The following LUZP2 variants were observed in gnomAD, a reference collection of about 807,000 sequenced individuals.
LUZP2 encodes leucine zipper protein 2.
Under a neutral mutation model 51.6 loss-of-function variants are expected in LUZP2, and 52 were observed. The observed-to-expected ratio is 1.01, with a 90% confidence interval of 0.81 to 1.27. LUZP2 has a LOEUF of 1.27. Ranked by LOEUF, LUZP2 falls within the 50% of genes most tolerant of loss-of-function variation. The pLI, the probability that LUZP2 is intolerant of heterozygous loss-of-function variation, is 0.00. For missense variants in LUZP2, 436 were observed against 395.4 expected, an observed-to-expected ratio of 1.10 and a Z score of -0.87; for synonymous variants, 154 against 137.3, an observed-to-expected ratio of 1.12 and a Z score of -0.85.
chr11:24,840,838 TTCTA>T (rs1298622088), intron 5 of LUZP2, among the ~76,000 whole-genome samples: 17 of 152,010 alleles, frequency 1.1e-4, no homozygotes, highest in Non-Finnish European at 7.4e-5. Flanking sequence ...GTCAGCATCA[TTCTA>T]TCTAAGAAGA....
rs137948347 is a variant in LUZP2, at chr11:24,763,021, A to AT, written c.334-225_334-224insT. 5,620 of 752,250 alleles carry AT rather than the reference A, an allele frequency of 7.5e-3. 100 individuals are homozygous for AT. Among genetic ancestry groups the AT allele is most frequent in the South Asian group, 0.059 (969 of 16,558 alleles). The allele number at this position is 752,250 out of a possible 1,614,324, so 46.6% of individuals were successfully genotyped here. ...TGTAGGGTTTCTCAATTTAAAAAAAAAATAATAAATAGTTTGTTAAATGAA... is the reference window on the plus strand; with the variant it reads ...TGTAGGGTTTCTCAATTTAAAAAAAATAATAATAAATAGTTTGTTAAATGAA... On this transcript the variant is annotated intron_variant, in intron 4 of 11. Transcript: ENST00000336930.
At chr11:24,991,476 G>A (rs1308935949) in intron 9 of LUZP2, among the ~76,000 whole-genome samples, 1 of 150,388 alleles carries the variant, frequency 6.6e-6, no homozygotes, top group African/African-American at 2.4e-5. Flanking sequence ...GTTGATTGAT[G>A]AGAATTTGGG....
chr11:24,549,880 G>C (rs955063858), intron 1 of LUZP2, among the ~76,000 whole-genome samples: 1 of 151,956 alleles, frequency 6.6e-6, no homozygotes, highest in Non-Finnish European at 1.5e-5. Flanking sequence ...TGAATTGGAA[G>C]ATTCAATAAA....
chr11:24,776,850 C>T (rs1343962308), intron 5 of LUZP2, among the ~76,000 whole-genome samples: 1 of 152,160 alleles, frequency 6.6e-6, no homozygotes, highest in Admixed American at 6.5e-5. Flanking sequence ...TTCCAATCCT[C>T]AGAGATTCAT....
At chr11:24,924,274 C>T (rs931152215) in intron 7 of LUZP2, among the ~76,000 whole-genome samples, 4 of 152,130 alleles carry the variant, frequency 2.6e-5, no homozygotes, top group African/African-American at 9.6e-5. Flanking sequence ...GATGGGGTTT[C>T]ACCATGTTGG....
intron 4 of LUZP2, among the ~76,000 whole-genome samples, chr11:24,749,224 C>T (rs1236601222): frequency 6.6e-6 from 1 of 152,080 alleles, no homozygotes; most frequent in Non-Finnish European, 1.5e-5. Context: ...GAAGAGACCA[C>T]TTTGGTGGTC....
chr11:24,796,878 C>G (rs373442933), intron 5 of LUZP2, among the ~76,000 whole-genome samples: 1 of 152,182 alleles, frequency 6.6e-6, no homozygotes, highest in Non-Finnish European at 1.5e-5. Flanking sequence ...AGCAGAAACT[C>G]TCTGCATATG....
At chr11:24,885,026 TTC>T (rs1438051374) in intron 5 of LUZP2, among the ~76,000 whole-genome samples, 1 of 152,054 alleles carries the variant, frequency 6.6e-6, no homozygotes, top group African/African-American at 2.4e-5. Flanking sequence ...AAGAAGCAGG[TTC>T]TGTTTCGAAG....
chr11:24,749,570 C>T (rs1228107855), intron 4 of LUZP2, among the ~76,000 whole-genome samples: 1 of 152,084 alleles, frequency 6.6e-6, no homozygotes, highest in East Asian at 1.9e-4. Context: ...ACAGCTGGAC[C>T]AAAGCAGGCA....
chr11:25,035,238 G>T (rs1197253096), intron 9 of LUZP2, among the ~76,000 whole-genome samples: 1 of 151,972 alleles, frequency 6.6e-6, no homozygotes, highest in Non-Finnish European at 1.5e-5. Flanking sequence ...AAGAGAAGAT[G>T]TCAAACTATT....
At position 24,999,698 on chromosome 11, in the gene LUZP2, T is replaced by TA. The variant is rs543300135; in HGVS notation, c.765+16406dup. ...ACATTTTAAGTGACACATGCAATGT[T>TA]ATATATATTTCTAAGCACTTCTCAC... On this transcript the variant is annotated intron_variant, in intron 9 of 11. Coordinates refer to ENST00000336930, the MANE Select transcript of LUZP2 (RefSeq NM_001009909.4). Among the ~76,000 whole-genome samples, 16 of 152,222 alleles carry TA rather than the reference T, an allele frequency of 1.1e-4. No homozygotes were observed. The East Asian group carries it at 2.7e-3, about 26-fold the overall frequency.
chr11:24,540,821 G>A (rs1851333727), intron 1 of LUZP2, among the ~76,000 whole-genome samples: 2 of 152,048 alleles, frequency 1.3e-5, no homozygotes, highest in Non-Finnish European at 1.5e-5. Context: ...GATAATGGAT[G>A]CAGTTATGAC....
chr11:24,943,620 G>C (rs771236629), intron 7 of LUZP2, among the ~76,000 whole-genome samples: 1 of 152,152 alleles, frequency 6.6e-6, no homozygotes, highest in South Asian at 2.1e-4. Context: ...GCTCATGCCT[G>C]TAATCCCAGC....
intron 8 of LUZP2, among the ~76,000 whole-genome samples, chr11:24,981,817 A>G (rs554893194): frequency 4.6e-5 from 7 of 152,104 alleles, no homozygotes; most frequent in African/African-American, 1.7e-4. Context: ...AACAGAGTAA[A>G]CAGACAACCT....
intron 7 of LUZP2, among the ~76,000 whole-genome samples, chr11:24,957,754 C>CT (rs552602245): frequency 1.3e-5 from 2 of 151,422 alleles, no homozygotes; most frequent in East Asian, 2.0e-4. Context: ...AGGTTGATTT[C>CT]TTTTTTTTTA....
At chr11:24,788,201 T>C in intron 5 of LUZP2, among the ~76,000 whole-genome samples, 1 of 143,108 alleles carries the variant, frequency 7.0e-6, no homozygotes, top group African/African-American at 2.7e-5. Context: ...TTTTTTTTTT[T>C]TTTTCTGAGA....
At chr11:24,935,364 A>G (rs1393543030) in intron 7 of LUZP2, among the ~76,000 whole-genome samples, 1 of 152,194 alleles carries the variant, frequency 6.6e-6, no homozygotes, top group African/African-American at 2.4e-5. Context: ...CTGGTATTTC[A>G]GTGAACTGGT....
chr11:24,691,244 G>GA (rs962599839), intron 1 of LUZP2, among the ~76,000 whole-genome samples: 36 of 151,952 alleles, frequency 2.4e-4, no homozygotes, highest in Non-Finnish European at 1.6e-4. Flanking sequence ...AAATTGTAGA[G>GA]AAGTTACCTA....
chr11:24,967,541 G>A (rs1855621891), intron 7 of LUZP2, among the ~76,000 whole-genome samples: 1 of 151,312 alleles, frequency 6.6e-6, no homozygotes, highest in African/African-American at 2.4e-5. Context: ...ATTATTGTAA[G>A]CATTTTTGAG....
Sources: allele counts gnomAD v4.1 joint callset (sites outside exome capture counted in the v4.1 genomes callset), GRCh38; gene constraint gnomAD v4.1.1; transcripts MANE v1.5; gene names NCBI Gene and HGNC (gene_info 2026-07-23, HGNC 2026-07-21).